ING2: variants seen among roughly 807,000 people sequenced by gnomAD.
The protein encoded by ING2 is inhibitor of growth protein 2.
A neutral mutation model predicts 30.6 loss-of-function variants in ING2; 7 were observed. That is an observed-to-expected ratio of 0.23 (90% confidence interval 0.13 to 0.43). ING2 has a LOEUF of 0.43. Among genes scored for constraint, ING2 ranks in the 20% least tolerant of loss-of-function variants. The pLI is 1.00. For missense variants in ING2, 239 were observed against 334.9 expected (o/e 0.71, Z 2.24); for synonymous variants, 136 against 121.7 (o/e 1.12, Z -0.78).
At chr4:183,510,261 T>A in intron 1 of ING2, 21 bp from the exon 2 acceptor site, 9 of 1,505,074 alleles carry the variant, frequency 6.0e-6, no homozygotes, top group Non-Finnish European at 8.1e-6. Context: ...AACGTTCTCA[T>A]TTTTCTTTTC....
At chr4:183,505,519 C>T (rs1734614409) in intron 1 of ING2, 152 bp downstream of exon 1, 3 of 739,926 alleles carry the variant, frequency 4.1e-6, no homozygotes, top group East Asian at 3.3e-5. Context: ...GTTGGCGGCC[C>T]TCCGTGGCCC....
chr4:183,511,065 A>G lies in ING2; in HGVS notation c.*113A>G, dbSNP rs1191555944. On this transcript the variant is annotated 3_prime_UTR_variant, in exon 2 of 2. Coordinates refer to ENST00000302327, the MANE Select transcript of ING2 (RefSeq NM_001564.4). ...TATGCAATAATTTTTAATCATTAGTATTAATGGTGTATTAAAAGTTGTTGT... is the reference window on the plus strand; with the variant it reads ...TATGCAATAATTTTTAATCATTAGTGTTAATGGTGTATTAAAAGTTGTTGT... The G allele has an allele frequency of 1.2e-6, 1 of 826,844 alleles. No homozygotes were observed. The highest frequency in any genetic ancestry group is 1.8e-6 in the Non-Finnish European group (1 of 545,550). The allele number at this position is 826,844 out of a possible 1,614,324, so 51.2% of individuals were successfully genotyped here.
At chr4:183,506,272 T>G (rs1279092401) in intron 1 of ING2, 9 of 1,304,224 alleles carry the variant, frequency 6.9e-6, no homozygotes, top group South Asian at 1.2e-5. Context: ...AGTCAATGGA[T>G]CAGGACGGCG....
rs1734797778 is a variant in ING2, at chr4:183,510,540, A to C, written c.431A>C (p.Gln144Pro). 6.2e-7 allele frequency: 1 copy of C among 1,614,098 alleles called. No individual in the cohort carries two copies. The highest frequency in any genetic ancestry group is 1.3e-5 in the African/African-American group (1 of 75,062). ...ASDKAKMDSS[Q>P]PERSSRRPRR... ...GATAAAGCAAAGATGGATTCCAGCC[A>C]ACCAGAAAGATCTTCAAGAAGACCC... The change falls in exon 2 of 2, where the codon CAA (glutamine) becomes CCA (proline). Residue 144 changes from glutamine to proline, a missense_variant. By Grantham distance (76) the Gln-to-Pro change is moderately conservative. This residue lies in a region of ING2 where 115 missense variants were observed against 120.1 expected (regional missense o/e 0.96). Coordinates refer to ENST00000302327, the MANE Select transcript of ING2 (RefSeq NM_001564.4).
rs1377830745 is a variant in ING2 at position 183,505,171 on chromosome 4, G to A, written c.-25G>A. On this transcript the variant is annotated 5_prime_UTR_variant, in exon 1 of 2. Coordinates refer to ENST00000302327, the MANE Select transcript of ING2 (RefSeq NM_001564.4). ...ATGTGCGGCTGCTGGATGCGGAGGCGGCGGCGACGGCGCGGATCGGCAGGA... is the reference window on the plus strand; with the variant it reads ...ATGTGCGGCTGCTGGATGCGGAGGCAGCGGCGACGGCGCGGATCGGCAGGA... 1.3e-6 allele frequency: 2 copies of A among 1,586,854 alleles called. No homozygotes were observed. The highest frequency in any genetic ancestry group is 2.4e-5 in the East Asian group (1 of 41,574).
chr4:183,505,959 G>C (rs552487186), intron 1 of ING2: 1 of 471,542 alleles, frequency 2.1e-6, no homozygotes, highest in African/African-American at 2.2e-5. Context: ...TGTAGCCCTA[G>C]CCCAGTTCTT....
In ING2 at chr4:183,509,688, G is replaced by A. The variant is rs536437631; in HGVS notation, c.173-594G>A. ...CTGACCTCGTGATCCACCCGCCTCG[G>A]CCTCCCAAAGTGCTGGGATTACAAG... On this transcript the variant is annotated intron_variant, in intron 1 of 1. Coordinates refer to ENST00000302327, the MANE Select transcript of ING2 (RefSeq NM_001564.4). 3.5e-3 allele frequency among the ~76,000 whole-genome samples: 519 copies of A among 150,364 alleles called. 1 individual carries two copies. Among genetic ancestry groups the A allele is most frequent in the Non-Finnish European group, 5.5e-3 (373 of 67,820 alleles).
chr4:183,508,154 G>A (rs1361521843), intron 1 of ING2, among the ~76,000 whole-genome samples: 1 of 151,802 alleles, frequency 6.6e-6, no homozygotes, highest in Admixed American at 6.6e-5. Context: ...TCATGGGGTT[G>A]CTGTGGAGAT....
At chr4:183,505,612 C>T (rs965854532) in intron 1 of ING2, among the ~76,000 whole-genome samples, 1 of 152,090 alleles carries the variant, frequency 6.6e-6, no homozygotes, top group African/African-American at 2.4e-5. Context: ...CCAGCGGCTG[C>T]AGCTGCCGCT....
chr4:183,505,175 G>GCGA lies in ING2; in HGVS notation c.-18_-16dup, dbSNP rs553909980. On this transcript the variant is annotated 5_prime_UTR_variant, in exon 1 of 2. Transcript: ENST00000302327. ...GCGGCTGCTGGATGCGGAGGCGGCG[G>GCGA]CGACGGCGCGGATCGGCAGGATGTT... 1.3e-3 allele frequency: 2,133 copies of GCGA among 1,588,610 alleles called. 19 individuals carry two copies. In the African/African-American group the frequency reaches 0.026, roughly 19 times the overall value.
intron 1 of ING2, among the ~76,000 whole-genome samples, chr4:183,508,703 T>A (rs1734740715): frequency 6.6e-6 from 1 of 152,200 alleles, no homozygotes; most frequent in African/African-American, 2.4e-5. Flanking sequence ...TTAATAATTA[T>A]AATATTGGAA....
intron 1 of ING2, among the ~76,000 whole-genome samples, chr4:183,507,786 G>T (rs1734711995): frequency 6.6e-6 from 1 of 152,082 alleles, no homozygotes; most frequent in Non-Finnish European, 1.5e-5. Flanking sequence ...AATATTTAGT[G>T]ATATAAATTA....
chr4:183,509,532 G>T (rs1232665534), intron 1 of ING2, among the ~76,000 whole-genome samples: 1 of 149,850 alleles, frequency 6.7e-6, no homozygotes, highest in Non-Finnish European at 1.5e-5. Flanking sequence ...TGCAAGCTCC[G>T]CCTCCAGGGT....
intron 1 of ING2, chr4:183,505,998 C>T (rs1048111245): frequency 7.6e-6 from 6 of 791,644 alleles, no homozygotes; most frequent in Non-Finnish European, 9.8e-6. Context: ...GGGGAGGGGT[C>T]CCCCGCGGGA....
In ING2 at chr4:183,505,383, C is replaced by T; in HGVS notation, c.172+16C>T. 1 of 1,513,322 alleles carries T rather than the reference C, an allele frequency of 6.6e-7. No individual in the cohort carries two copies. Among genetic ancestry groups the T allele is most frequent in the South Asian group, 1.2e-5 (1 of 81,626 alleles). The allele number at this position is 1,513,322 out of a possible 1,614,324, so 93.7% of individuals were successfully genotyped here. On this transcript the variant is annotated intron_variant, in intron 1 of 1. Transcript: ENST00000302327. ...AAATATCAAGGTAGGAGCCGCGGGG[C>T]TGCCGGCCTCGGGAGCCGGTGGCGG...
chr4:183,505,453 G>A, intron 1 of ING2, 86 bp downstream of exon 1: 1 of 1,319,486 alleles, frequency 7.6e-7, no homozygotes, highest in Non-Finnish European at 1.0e-6. Context: ...TCCCGTGACA[G>A]TCTCCCCGAG....
At position 183,505,387 on chromosome 4, in the gene ING2, CGG is replaced by C; in HGVS notation, c.172+21_172+22del. 1 of 1,510,674 alleles carries C rather than the reference CGG, an allele frequency of 6.6e-7. No individual in the cohort carries two copies. Among genetic ancestry groups the C allele is most frequent in the South Asian group, 1.2e-5 (1 of 81,408 alleles). The allele number at this position is 1,510,674 out of a possible 1,614,324, so 93.6% of individuals were successfully genotyped here. ...ATCAAGGTAGGAGCCGCGGGGCTGC[CGG>C]CCTCGGGAGCCGGTGGCGGGGAGCC... On this transcript the variant is annotated intron_variant, in intron 1 of 1. Coordinates refer to ENST00000302327, the MANE Select transcript of ING2 (RefSeq NM_001564.4).
intron 1 of ING2, 53 bp downstream of exon 1, chr4:183,505,420 G>C (rs1734611699): frequency 2.1e-6 from 3 of 1,454,296 alleles, no homozygotes; most frequent in African/African-American, 1.4e-5. Context: ...GAGCCTGTCC[G>C]GGGGAGTGCC....
chr4:183,506,384 G>C (rs55915636), intron 1 of ING2: 1 of 1,094,668 alleles, frequency 9.1e-7, no homozygotes, highest in East Asian at 5.9e-5. Context: ...CTGGGCAACC[G>C]CCTGGCGTCC....
Sources: gnomAD v4.1 joint callset for allele counts (sites outside exome capture counted in the v4.1 genomes callset) on GRCh38, gnomAD v4.1.1 for gene constraint, gnomAD v4.1.1 regional missense constraint, MANE v1.5 for transcripts, NCBI Gene and HGNC (gene_info 2026-07-23, HGNC 2026-07-21) for gene names.